The following LRRC7 variants were observed in gnomAD, a reference collection of about 807,000 sequenced individuals.
LRRC7 encodes leucine-rich repeat-containing protein 7.
Under a neutral mutation model 175.7 loss-of-function variants are expected in LRRC7, and 23 were observed. That is an observed-to-expected ratio of 0.13 (90% confidence interval 0.09 to 0.19). LRRC7 has a LOEUF of 0.19. Ranked by LOEUF, LRRC7 falls within the 10% of genes least tolerant of loss-of-function variation. The probability of loss-of-function intolerance (pLI) is 1.00; values close to 1 mark genes in which losing one functional copy is unlikely to be tolerated. For synonymous variants in LRRC7, 685 were observed against 680.9 expected (o/e 1.01, Z -0.09); for missense variants, 1,354 against 1,904.7 (o/e 0.71, Z 5.38).
At chr1:69,786,577 C>T (rs889487279) in intron 3 of LRRC7, among the ~76,000 whole-genome samples, 6 of 152,072 alleles carry the variant, frequency 3.9e-5, no homozygotes, top group South Asian at 2.1e-4. Flanking sequence ...TATGGTTCTA[C>T]GTGGCTGGGG....
chr1:69,720,936 A>G (rs1052821403), intron 2 of LRRC7, among the ~76,000 whole-genome samples: 1 of 151,882 alleles, frequency 6.6e-6, no homozygotes, highest in African/African-American at 2.4e-5. Context: ...TTTTGCAACC[A>G]TCACCACCAT....
At chr1:69,934,097 T>C (rs1199940192) in intron 8 of LRRC7, among the ~76,000 whole-genome samples, 1 of 152,180 alleles carries the variant, frequency 6.6e-6, no homozygotes, top group Non-Finnish European at 1.5e-5. Context: ...GTAACAACTT[T>C]GAATGAGAAA....
chr1:69,720,711 A>G (rs552726264), intron 2 of LRRC7, among the ~76,000 whole-genome samples: 1 of 151,842 alleles, frequency 6.6e-6, no homozygotes, highest in Non-Finnish European at 1.5e-5. Flanking sequence ...TCAGCACCAA[A>G]GATTACATTC....
intron 23 of LRRC7, among the ~76,000 whole-genome samples, chr1:70,068,808 C>A (rs913250373): frequency 5.3e-5 from 8 of 152,096 alleles, no homozygotes; most frequent in African/African-American, 1.9e-4. Context: ...CCTTGAACTC[C>A]TGGGCTCAAT....
chr1:70,039,395 G>C lies in LRRC7; in HGVS notation c.3571G>C (p.Asp1191His). ...YGRPPYRGGLDRQSSVTVTES... is the reference protein window; with the variant it reads ...YGRPPYRGGLHRQSSVTVTES... ...CAGACCCCCATATAGGGGAGGGCTGGATCGCCAAAGCAGCGTTACAGTGAC... is the reference window on the plus strand; with the variant it reads ...CAGACCCCCATATAGGGGAGGGCTGCATCGCCAAAGCAGCGTTACAGTGAC... Residue 1191 changes from aspartate (D) to histidine (H), a missense_variant, in exon 21 of 27, where the codon GAT becomes CAT. Physicochemically the swap from Asp to His is moderately conservative, Grantham distance 81. Transcript: ENST00000651989. 6.2e-7 allele frequency: 1 copy of C among 1,614,120 alleles called. No homozygotes were observed. The highest frequency in any genetic ancestry group is 8.5e-7 in the Non-Finnish European group (1 of 1,180,016).
At chr1:70,017,929 G>T (rs1657107739) in intron 14 of LRRC7, among the ~76,000 whole-genome samples, 1 of 152,092 alleles carries the variant, frequency 6.6e-6, no homozygotes, top group Non-Finnish European at 1.5e-5. Context: ...GTGGGAGAAT[G>T]AACAGAGCAG....
At chr1:70,108,024 C>T (rs1665261847) in intron 26 of LRRC7, among the ~76,000 whole-genome samples, 198 bp downstream of exon 26, 2 of 151,826 alleles carry the variant, frequency 1.3e-5, no homozygotes, top group Non-Finnish European at 2.9e-5. Flanking sequence ...GCACCTTACA[C>T]AGTACTTGGC....
chr1:69,655,333 A>G (rs1656451333), intron 1 of LRRC7, among the ~76,000 whole-genome samples: 1 of 152,038 alleles, frequency 6.6e-6, no homozygotes. Context: ...GATAGCTCAG[A>G]GACACCCCTG....
chr1:70,108,964 T>G (rs1400755947), intron 26 of LRRC7, among the ~76,000 whole-genome samples: 1 of 152,170 alleles, frequency 6.6e-6, no homozygotes, highest in Non-Finnish European at 1.5e-5. Context: ...TTTTGGTTTT[T>G]TTGTTGTTGT....
intron 1 of LRRC7, among the ~76,000 whole-genome samples, chr1:69,678,164 G>T (rs1660029687): frequency 6.6e-6 from 1 of 151,962 alleles, no homozygotes; most frequent in Non-Finnish European, 1.5e-5. Flanking sequence ...CATACACATG[G>T]TGTTTTTAAT....
chr1:69,604,599 T>C (rs545604073), intron 1 of LRRC7, among the ~76,000 whole-genome samples: 19 of 152,272 alleles, frequency 1.2e-4, no homozygotes, highest in African/African-American at 4.6e-4. Context: ...ACACACATGA[T>C]AGATTGAGTT....
intron 7 of LRRC7, chr1:69,873,631 A>G: frequency 2.4e-6 from 1 of 412,390 alleles, no homozygotes; most frequent in South Asian, 1.9e-5. Flanking sequence ...AAACTATATT[A>G]TGAAACCAAA....
intron 2 of LRRC7, among the ~76,000 whole-genome samples, chr1:69,688,645 TAAA>T (rs1553140109): frequency 1.3e-5 from 2 of 148,266 alleles, no homozygotes; most frequent in African/African-American, 5.0e-5. Flanking sequence ...TTTTTTTTTT[TAAA>T]AAAAACCTCT....
chr1:69,635,593 AT>A (rs1256128720), intron 1 of LRRC7, among the ~76,000 whole-genome samples: 1 of 152,104 alleles, frequency 6.6e-6, no homozygotes, highest in Non-Finnish European at 1.5e-5. Flanking sequence ...TGTAATAAAA[AT>A]AATTGGAATT....
At chr1:69,714,104 C>A (rs992713815) in intron 2 of LRRC7, among the ~76,000 whole-genome samples, 3 of 152,252 alleles carry the variant, frequency 2.0e-5, no homozygotes, top group African/African-American at 7.2e-5. Context: ...ACCTTGCTCT[C>A]CAGGCCTTCC....
intron 16 of LRRC7, 88 bp from the exon 17 acceptor site, chr1:70,023,038 A>G (rs1657680145): frequency 7.2e-7 from 1 of 1,387,510 alleles, no homozygotes; most frequent in Non-Finnish European, 9.5e-7. Flanking sequence ...TCAGAGTGAA[A>G]GAAAAAGAGA....
At chr1:69,957,210 A>AT (rs1650586354) in intron 8 of LRRC7, among the ~76,000 whole-genome samples, 1 of 151,874 alleles carries the variant, frequency 6.6e-6, no homozygotes, top group African/African-American at 2.4e-5. Flanking sequence ...AGACAGGATA[A>AT]CTTTGGAACT....
At chr1:69,886,374 G>A (rs1687200324) in intron 7 of LRRC7, among the ~76,000 whole-genome samples, 1 of 150,366 alleles carries the variant, frequency 6.7e-6, no homozygotes, top group Non-Finnish European at 1.5e-5. Context: ...TTATGTAATG[G>A]CCTTCTTTGT....
In LRRC7 at chr1:70,039,897, A is replaced by G. The variant is rs1056708248; in HGVS notation, c.3969+104A>G. 9.7e-6 allele frequency: 13 copies of G among 1,346,466 alleles called. No homozygotes were observed. The African/African-American group carries it at 1.8e-4, about 18-fold the overall frequency. The allele number at this position is 1,346,466 out of a possible 1,614,324, so 83.4% of individuals were successfully genotyped here. On this transcript the variant is annotated intron_variant, in intron 21 of 26. Coordinates refer to ENST00000651989, the MANE Select transcript of LRRC7 (RefSeq NM_001370785.2). Reference sequence around the variant, plus strand: ...GAAGCATGAACTACATGAATGAATTAGATGATCAGTATTTTATTTATCTTT... The same window carrying G: ...GAAGCATGAACTACATGAATGAATTGGATGATCAGTATTTTATTTATCTTT...
Sources: allele counts gnomAD v4.1 joint callset (sites outside exome capture counted in the v4.1 genomes callset), GRCh38; gene constraint gnomAD v4.1.1; transcripts MANE v1.5; gene names NCBI Gene and HGNC (gene_info 2026-07-23, HGNC 2026-07-21).